Variants in NLK observed in about 807,000 individuals in gnomAD.
NLK encodes the protein nemo like kinase.
A neutral mutation model predicts 59.0 loss-of-function variants in NLK; 11 were observed. That is an observed-to-expected ratio of 0.19 (90% CI 0.12 to 0.31). NLK has a LOEUF of 0.31. Ranked by LOEUF, NLK falls within the 10% of genes least tolerant of loss-of-function variation. The probability of loss-of-function intolerance (pLI) is 1.00; values close to 1 mark genes in which losing one functional copy is unlikely to be tolerated. For synonymous variants in NLK, 235 were observed against 235.9 expected, an observed-to-expected ratio of 1.00 and a Z score of 0.03; for missense variants, 410 against 661.1, an observed-to-expected ratio of 0.62 and a Z score of 4.16.
At chr17:28,078,868 A>G (rs1597667826) in intron 1 of NLK, among the ~76,000 whole-genome samples, 1 of 152,278 alleles carries the variant, frequency 6.6e-6, no homozygotes, top group East Asian at 1.9e-4. Flanking sequence ...TCTCAGATTT[A>G]TTGTACTCTT....
intron 1 of NLK, among the ~76,000 whole-genome samples, chr17:28,050,264 G>T (rs1909201545): frequency 6.6e-6 from 1 of 152,164 alleles, no homozygotes; most frequent in South Asian, 2.1e-4. Flanking sequence ...AACCAATGGG[G>T]AAGGGCAGTC....
rs1322390223 is a variant in NLK, at chr17:28,042,832, C to T, written c.-42C>T. On this transcript the variant is annotated 5_prime_UTR_variant, in exon 1 of 11. Transcript: ENST00000407008. ...TCATTTTTAAATGGCCAAATGACAG[C>T]TTGACCCAGTTTGCTTTCCAATCAA... 1.4e-6 allele frequency: 2 copies of T among 1,458,966 alleles called. No homozygotes were observed. The highest frequency in any genetic ancestry group is 5.0e-5 in the Admixed American group (2 of 39,868). 90.4% of individuals were successfully genotyped at this position (1,458,966 alleles called of 1,614,324 possible). A position where few individuals can be genotyped will look rare whatever the true frequency, so the allele number is the denominator to read the frequency against.
intron 1 of NLK, among the ~76,000 whole-genome samples, chr17:28,119,621 A>G (rs1343034021): frequency 6.6e-6 from 1 of 152,200 alleles, no homozygotes; most frequent in Non-Finnish European, 1.5e-5. Context: ...AATTATTGTC[A>G]TTTGGCAACC....
At chr17:28,193,731 CCA>C (rs996717644) in intron 10 of NLK, among the ~76,000 whole-genome samples, 2 of 152,116 alleles carry the variant, frequency 1.3e-5, no homozygotes, top group Non-Finnish European at 2.9e-5. Context: ...ATTTGTTGGA[CCA>C]CAGTCAAGAT....
In NLK at chr17:28,168,671, T is replaced by G. The variant is rs1908342102; in HGVS notation, c.1047+14T>G. Reference sequence around the variant, plus strand: ...CCCATTCAGCAGGTATGATTTCAATTTAAGGCTTTAGTTGCAATTCTATTG... The same window carrying G: ...CCCATTCAGCAGGTATGATTTCAATGTAAGGCTTTAGTTGCAATTCTATTG... On this transcript the variant is annotated intron_variant, in intron 6 of 10. Coordinates refer to ENST00000407008, the MANE Select transcript of NLK (RefSeq NM_016231.5). The G allele has an allele frequency of 6.2e-7, 1 of 1,600,170 alleles. No individual in the cohort carries two copies. Among genetic ancestry groups the G allele is most frequent in the African/African-American group, 1.3e-5 (1 of 74,648 alleles).
intron 1 of NLK, among the ~76,000 whole-genome samples, chr17:28,111,905 GTGT>G: frequency 7.3e-5 from 8 of 110,178 alleles, no homozygotes; most frequent in African/African-American, 1.7e-4. Context: ...TGGTGTGTGT[GTGT>G]GTGTGTGTGT....
At chr17:28,074,759 A>C (rs576775530) in intron 1 of NLK, among the ~76,000 whole-genome samples, 14 of 152,248 alleles carry the variant, frequency 9.2e-5, no homozygotes, top group African/African-American at 3.4e-4. Context: ...AGGATGAAAA[A>C]GGGAGGTGAG....
intron 6 of NLK, 140 bp downstream of exon 6, chr17:28,168,797 A>G (rs1282014799): frequency 3.1e-6 from 2 of 636,892 alleles, no homozygotes; most frequent in African/African-American, 1.8e-5. Context: ...AAATTCAGAA[A>G]GTTATAAAGT....
chr17:28,150,334 G>T (rs1907429752), intron 3 of NLK, among the ~76,000 whole-genome samples: 1 of 152,096 alleles, frequency 6.6e-6, no homozygotes, highest in Non-Finnish European at 1.5e-5. Flanking sequence ...GTGATATTTG[G>T]TTAAGAAATT....
At chr17:28,049,519 A>G (rs899587144) in intron 1 of NLK, among the ~76,000 whole-genome samples, 1 of 152,102 alleles carries the variant, frequency 6.6e-6, no homozygotes, top group Non-Finnish European at 1.5e-5. Flanking sequence ...TGTTGTCTGT[A>G]TTGTGCTTAG....
intron 6 of NLK, among the ~76,000 whole-genome samples, chr17:28,170,583 A>T (rs774270081): frequency 6.6e-5 from 10 of 152,238 alleles, no homozygotes; most frequent in Non-Finnish European, 1.0e-4. Flanking sequence ...ACTTTTGACA[A>T]TATTCACTTT....
chr17:28,157,024 T>C (rs543050026), intron 3 of NLK, among the ~76,000 whole-genome samples: 2 of 152,222 alleles, frequency 1.3e-5, no homozygotes, highest in Non-Finnish European at 2.9e-5. Context: ...TGGGGGGTTT[T>C]GTTTGTTTTT....
chr17:28,171,911 A>T (rs1463333142), intron 6 of NLK, among the ~76,000 whole-genome samples: 1 of 152,140 alleles, frequency 6.6e-6, no homozygotes, highest in African/African-American at 2.4e-5. Context: ...TTTCTATCAT[A>T]TAAATAGGAA....
At chr17:28,117,055 A>G (rs544917017) in intron 1 of NLK, among the ~76,000 whole-genome samples, 2 of 152,156 alleles carry the variant, frequency 1.3e-5, no homozygotes, top group South Asian at 2.1e-4. Context: ...GGCCATGAAA[A>G]CTTCCTAGAC....
intron 1 of NLK, among the ~76,000 whole-genome samples, chr17:28,110,087 G>T (rs567980341): frequency 4.4e-4 from 67 of 152,160 alleles, no homozygotes; most frequent in Admixed American, 2.3e-3. Flanking sequence ...ATTTATCTCA[G>T]CAATGTTTTG....
chr17:28,182,331 T>C (rs2142066477), intron 7 of NLK, among the ~76,000 whole-genome samples: 1 of 152,306 alleles, frequency 6.6e-6, no homozygotes, highest in East Asian at 1.9e-4. Context: ...AAGGAAGATA[T>C]ATAAAATTCT....
intron 1 of NLK, among the ~76,000 whole-genome samples, chr17:28,046,121 G>A (rs1460960585): frequency 6.6e-6 from 1 of 152,194 alleles, no homozygotes; most frequent in Admixed American, 6.5e-5. Context: ...ATGCAATTTT[G>A]AGAGAGATTG....
chr17:28,055,072 GGTT>G (rs1909391539), intron 1 of NLK, among the ~76,000 whole-genome samples: 1 of 151,610 alleles, frequency 6.6e-6, no homozygotes, highest in South Asian at 2.1e-4. Flanking sequence ...GTAATTGTAG[GGTT>G]GTTGTGGGGA....
chr17:28,049,424 C>T (rs1909171301), intron 1 of NLK, among the ~76,000 whole-genome samples: 1 of 152,206 alleles, frequency 6.6e-6, no homozygotes, highest in Non-Finnish European at 1.5e-5. Flanking sequence ...TGTCACTTCG[C>T]TGTGGACCAG....
Sources: allele counts gnomAD v4.1 joint callset (sites outside exome capture counted in the v4.1 genomes callset), GRCh38; gene constraint gnomAD v4.1.1; transcripts MANE v1.5; gene names NCBI Gene and HGNC (gene_info 2026-07-23, HGNC 2026-07-21).